Variants in INPP4B observed in about 807,000 individuals in gnomAD.
INPP4B encodes the protein inositol polyphosphate 4-phosphatase type II.
In INPP4B, 55 loss-of-function variants were observed where a neutral mutation model predicts 122.5. The observed-to-expected ratio is 0.45, with a 90% CI of 0.36 to 0.56. INPP4B has a LOEUF of 0.56. INPP4B is among the 20% of genes least tolerant of loss of function. INPP4B has a pLI of 0.00. For synonymous variants in INPP4B, 403 were observed against 388.7 expected (o/e 1.04, Z -0.43); for missense variants, 1,000 against 1,097.7 (o/e 0.91, Z 1.26).
chr4:142,771,771 A>G (rs1400010383), intron 1 of INPP4B, among the ~76,000 whole-genome samples: 3 of 152,226 alleles, frequency 2.0e-5, no homozygotes, highest in African/African-American at 7.2e-5. Flanking sequence ...CTAAGCAAAC[A>G]ACTGTTACCA....
At chr4:142,788,750 A>G (rs909399038) in intron 1 of INPP4B, among the ~76,000 whole-genome samples, 1 of 152,130 alleles carries the variant, frequency 6.6e-6, no homozygotes, top group Admixed American at 6.6e-5. Flanking sequence ...TACTTCACTT[A>G]GAATAATAGT....
At chr4:142,840,152 A>G (rs191694843) in intron 1 of INPP4B, among the ~76,000 whole-genome samples, 1 of 152,328 alleles carries the variant, frequency 6.6e-6, no homozygotes, top group East Asian at 1.9e-4. Context: ...TATATGGCTG[A>G]TTCAATTTGG....
intron 12 of INPP4B, among the ~76,000 whole-genome samples, chr4:142,228,267 G>A (rs1579358617): frequency 1.3e-5 from 2 of 152,000 alleles, no homozygotes; most frequent in South Asian, 4.1e-4. Context: ...AACAGGAAAT[G>A]TGGAATTGAT....
intron 2 of INPP4B, among the ~76,000 whole-genome samples, chr4:142,563,337 A>G (rs976838222): frequency 2.0e-5 from 3 of 152,218 alleles, no homozygotes; most frequent in Non-Finnish European, 2.9e-5. Flanking sequence ...ATGGAATGGT[A>G]CATCCTTACC....
rs1001886374 is a variant in INPP4B at position 142,029,368 on chromosome 4, T to C, written c.2643-454A>G. On this transcript the variant is annotated intron_variant, in intron 25 of 25. Transcript: ENST00000262992. ...GATTTTTAAAGAAAAATTTCATCTC[T>C]ATTTTATTATTTTAGCTGTGCAAGG... 5 of 984,888 alleles carry C rather than the reference T, an allele frequency of 5.1e-6. No individual in the cohort carries two copies. In the African/African-American group the frequency reaches 8.7e-5, roughly 17 times the overall value. 61.0% of individuals were successfully genotyped at this position (984,888 alleles called of 1,614,324 possible).
chr4:142,394,576 T>G (rs1177516575), intron 7 of INPP4B, among the ~76,000 whole-genome samples: 1 of 152,244 alleles, frequency 6.6e-6, no homozygotes, highest in Non-Finnish European at 1.5e-5. Context: ...TTTGTGATGA[T>G]GAGCATTTTT....
chr4:142,124,009 A>G (rs1423195332), intron 19 of INPP4B, among the ~76,000 whole-genome samples: 1 of 152,004 alleles, frequency 6.6e-6, no homozygotes, highest in East Asian at 1.9e-4. Flanking sequence ...AGGTGGGGAG[A>G]AGGAAGGCAC....
intron 1 of INPP4B, among the ~76,000 whole-genome samples, chr4:142,833,173 T>C (rs1051104283): frequency 1.3e-5 from 2 of 152,028 alleles, no homozygotes; most frequent in African/African-American, 4.8e-5. Context: ...GACATGTGAA[T>C]AGACATAGTT....
intron 5 of INPP4B, among the ~76,000 whole-genome samples, chr4:142,424,918 A>T (rs1807711248): frequency 6.6e-6 from 1 of 152,020 alleles, no homozygotes; most frequent in Non-Finnish European, 1.5e-5. Context: ...AATTTTTGTT[A>T]TATTAATATA....
At chr4:142,809,281 T>G (rs550254914) in intron 1 of INPP4B, among the ~76,000 whole-genome samples, 3 of 152,172 alleles carry the variant, frequency 2.0e-5, no homozygotes, top group Non-Finnish European at 4.4e-5. Flanking sequence ...TTATTTAATT[T>G]TCATTGATGT....
At chr4:142,055,671 T>C (rs1261218161) in intron 25 of INPP4B, among the ~76,000 whole-genome samples, 1 of 151,888 alleles carries the variant, frequency 6.6e-6, no homozygotes, top group Non-Finnish European at 1.5e-5. Flanking sequence ...CATTATATAA[T>C]CTTATTTAAT....
intron 2 of INPP4B, among the ~76,000 whole-genome samples, chr4:142,597,542 T>C (rs1015088580): frequency 6.6e-6 from 1 of 152,198 alleles, no homozygotes; most frequent in Admixed American, 6.5e-5. Flanking sequence ...TATCCTAAAC[T>C]AGAAAATCCC....
At chr4:142,327,048 G>A (rs1174628752) in intron 7 of INPP4B, among the ~76,000 whole-genome samples, 4 of 152,080 alleles carry the variant, frequency 2.6e-5, no homozygotes, top group Non-Finnish European at 4.4e-5. Context: ...CTTAATTAGA[G>A]TTTTAAAAAG....
At chr4:142,575,269 T>C (rs373753181) in intron 2 of INPP4B, among the ~76,000 whole-genome samples, 8 of 152,002 alleles carry the variant, frequency 5.3e-5, no homozygotes, top group East Asian at 3.9e-4. Context: ...AAAGTTTCCA[T>C]TGGACAGAAA....
chr4:142,389,979 T>C (rs1401494241), intron 7 of INPP4B, among the ~76,000 whole-genome samples: 1 of 152,216 alleles, frequency 6.6e-6, no homozygotes, highest in Non-Finnish European at 1.5e-5. Flanking sequence ...AAAGAAATCC[T>C]GTGTGGACAC....
At chr4:142,398,407 T>A (rs1254414184) in intron 7 of INPP4B, among the ~76,000 whole-genome samples, 1,319 of 10,216 alleles carry the variant, frequency 0.13, 12 homozygotes, top group Middle Eastern at 0.33. Flanking sequence ...AAAAAATATA[T>A]ATATATATAT....
In INPP4B at chr4:142,345,795, G is replaced by A. The variant is rs116754667; in HGVS notation, c.373-31033C>T. 3.8e-3 allele frequency among the ~76,000 whole-genome samples: 582 copies of A among 152,068 alleles called. 3 individuals are homozygous for A. The highest frequency in any genetic ancestry group is 0.013 in the African/African-American group (536 of 41,504). ...AGGACCAGAATAATAAAAGAAAATA[G>A]AGGGTTTATGCTTACATGCATGTAG... On this transcript the variant is annotated intron_variant, in intron 7 of 25. Coordinates refer to ENST00000262992, the MANE Select transcript of INPP4B (RefSeq NM_001101669.3).
intron 2 of INPP4B, among the ~76,000 whole-genome samples, chr4:142,487,798 G>A (rs907295598): frequency 1.3e-5 from 2 of 151,922 alleles, no homozygotes; most frequent in African/African-American, 4.8e-5. Flanking sequence ...CTTTATATAC[G>A]CACATATTAC....
intron 18 of INPP4B, among the ~76,000 whole-genome samples, chr4:142,130,232 T>C (rs1180007904): frequency 6.6e-6 from 1 of 152,128 alleles, no homozygotes; most frequent in Non-Finnish European, 1.5e-5. Flanking sequence ...TTTGTAGGAA[T>C]AGAGACTGAG....
Sources: allele counts gnomAD v4.1 joint callset (sites outside exome capture counted in the v4.1 genomes callset), GRCh38; gene constraint gnomAD v4.1.1; transcripts MANE v1.5; gene names NCBI Gene and HGNC (gene_info 2026-07-23, HGNC 2026-07-21).